The following DNAAF10 variants were observed in gnomAD, a reference collection of about 807,000 sequenced individuals.
The protein encoded by DNAAF10 is WD repeat domain 92.
In DNAAF10, 28 loss-of-function variants were observed where a neutral mutation model predicts 43.7. The ratio of observed to expected loss-of-function variants is 0.64; its 90% CI spans 0.48 to 0.88. The LOEUF (loss-of-function observed/expected upper bound fraction) is 0.88, where lower values mean the gene tolerates loss of function less well. Ranked by LOEUF, DNAAF10 falls within the 40% of genes least tolerant of loss-of-function variation. DNAAF10 has a pLI of 0.00. For synonymous variants in DNAAF10, 156 were observed against 157.3 expected, an observed-to-expected ratio of 0.99 and a Z score of 0.06; for missense variants, 403 against 439.1, an observed-to-expected ratio of 0.92 and a Z score of 0.73.
chr2:68,157,219 C>T lies in DNAAF10; in HGVS notation c.183+42G>A, dbSNP rs375950022. ...AGGAATGCAGACCCCAGGATCCGCACTCGCCCCCAACGGCAGTCCGGATCC... is the reference window on the plus strand; with the variant it reads ...AGGAATGCAGACCCCAGGATCCGCATTCGCCCCCAACGGCAGTCCGGATCC... On this transcript the variant is annotated intron_variant, in intron 1 of 7. Transcript: ENST00000295121. 19 of 1,582,346 alleles carry T rather than the reference C, an allele frequency of 1.2e-5. No homozygotes were observed. In the African/African-American group the frequency reaches 2.4e-4, roughly 20 times the overall value.
rs1673354252 is a variant in DNAAF10 at position 68,147,713 on chromosome 2, G to A, written c.184-146C>T. 5.3e-6 allele frequency: 3 copies of A among 566,110 alleles called. No individual in the cohort carries two copies. The Admixed American group carries it at 1.1e-4, about 21-fold the overall frequency. 35.1% of individuals were successfully genotyped at this position (566,110 alleles called of 1,614,324 possible). A position where few individuals can be genotyped will look rare whatever the true frequency, so the allele number is the denominator to read the frequency against. ...AACATCTTCTGATGAAAATAATCTT[G>A]CTTTTTCCTTTACTCATTTTTCTTT... On this transcript the variant is annotated intron_variant, in intron 1 of 7. Coordinates refer to ENST00000295121, the MANE Select transcript of DNAAF10 (RefSeq NM_138458.4).
intron 1 of DNAAF10, among the ~76,000 whole-genome samples, chr2:68,152,540 C>T (rs1168831140): frequency 6.6e-6 from 1 of 151,930 alleles, no homozygotes; most frequent in Non-Finnish European, 1.5e-5. Flanking sequence ...CCCTCTCTGC[C>T]CCATTAGATA....
At chr2:68,144,128 T>C (rs1673255626) in intron 3 of DNAAF10, among the ~76,000 whole-genome samples, 1 of 152,196 alleles carries the variant, frequency 6.6e-6, no homozygotes. Flanking sequence ...GCTGAGTTGG[T>C]GCCTTTGGAA....
intron 1 of DNAAF10, among the ~76,000 whole-genome samples, chr2:68,153,401 A>C (rs1284109050): frequency 6.6e-6 from 1 of 151,640 alleles, no homozygotes; most frequent in Non-Finnish European, 1.5e-5. Context: ...ACATGACTTA[A>C]GGGTAGATCT....
At chr2:68,138,175 A>AAAAC (rs150999876) in intron 5 of DNAAF10, among the ~76,000 whole-genome samples, 6,268 of 151,932 alleles carry the variant, frequency 0.041, 356 homozygotes, top group African/African-American at 0.13. Flanking sequence ...ACTCCATCTC[A>AAAAC]AAACAAACAA....
chr2:68,136,987 T>C (rs1673058809), intron 6 of DNAAF10, among the ~76,000 whole-genome samples: 1 of 152,220 alleles, frequency 6.6e-6, no homozygotes, highest in South Asian at 2.1e-4. Context: ...AAATATTATA[T>C]ACTTATTAGG....
intron 7 of DNAAF10, among the ~76,000 whole-genome samples, chr2:68,132,725 T>A (rs569665958): frequency 4.9e-4 from 75 of 152,340 alleles, no homozygotes; most frequent in African/African-American, 1.4e-3. Flanking sequence ...CTAAATATCA[T>A]TGTACTTAAA....
chr2:68,134,433 A>C, intron 7 of DNAAF10: 3 of 1,226,750 alleles, frequency 2.4e-6, no homozygotes, highest in Non-Finnish European at 3.1e-6. Context: ...TATCTGATAA[A>C]AGTCTTGGGC....
Position 68,157,282 on chromosome 2 carries a change from C to T in DNAAF10, c.162G>A (p.Gly54=). 14 of 1,613,902 alleles carry T rather than the reference C, an allele frequency of 8.7e-6. No homozygotes were observed. Among genetic ancestry groups the T allele is most frequent in the Non-Finnish European group, 1.2e-5 (14 of 1,179,870 alleles). ...GVIQLYEIQH[G]DLKLLREIEK... ...CCACCTCCCGAAGCAGCTTCAGGTC[C>T]CCGTGCTGGATCTCGTACAGCTGAA... The change falls in exon 1 of 8, where the codon GGG becomes GGA. Residue 54 remains glycine (G), a synonymous_variant. Transcript: ENST00000295121.
In DNAAF10 at chr2:68,157,489, C is replaced by A. The variant is rs763732439; in HGVS notation, c.-46G>T. ...CGGCAACCGCCACACCCAGAGCCCC[C>A]AAAAACGGCAACCTGGAAACCAGAC... On this transcript the variant is annotated 5_prime_UTR_variant, in exon 1 of 8. Coordinates refer to ENST00000295121, the MANE Select transcript of DNAAF10 (RefSeq NM_138458.4). The A allele has an allele frequency of 4.3e-6, 7 of 1,613,710 alleles. No individual in the cohort carries two copies. Among genetic ancestry groups the A allele is most frequent in the Non-Finnish European group, 5.9e-6 (7 of 1,179,714 alleles).
chr2:68,131,185 TG>T lies in DNAAF10; in HGVS notation c.*52del. 1 of 1,592,400 alleles carries T rather than the reference TG, an allele frequency of 6.3e-7. No individual in the cohort carries two copies. The highest frequency in any genetic ancestry group is 8.6e-7 in the Non-Finnish European group (1 of 1,161,156). The stretch of plus-strand genomic sequence containing the variant: ...CACCCGCCTCGGCCTCCCAAAGTGC[TG>T]GGATTACAGGAGTGAGCCACCGTGC... On this transcript the variant is annotated 3_prime_UTR_variant, in exon 8 of 8. Transcript: ENST00000295121.
chr2:68,139,608 A>C (rs1168475192), intron 4 of DNAAF10, among the ~76,000 whole-genome samples: 2 of 150,802 alleles, frequency 1.3e-5, no homozygotes, highest in African/African-American at 4.9e-5. Flanking sequence ...ACACAGTGAA[A>C]CCCTGTCTCT....
intron 2 of DNAAF10, among the ~76,000 whole-genome samples, chr2:68,146,428 T>A (rs1673317764): frequency 6.6e-6 from 1 of 152,196 alleles, no homozygotes; most frequent in South Asian, 2.1e-4. Context: ...AATTATAAGA[T>A]TTATCAATGA....
At chr2:68,148,111 G>A (rs1673368583) in intron 1 of DNAAF10, among the ~76,000 whole-genome samples, 1 of 152,092 alleles carries the variant, frequency 6.6e-6, no homozygotes, top group African/African-American at 2.4e-5. Context: ...TACTTTAAAA[G>A]GCTACTGCAC....
chr2:68,148,198 C>G (rs1673370625), intron 1 of DNAAF10, among the ~76,000 whole-genome samples: 1 of 152,128 alleles, frequency 6.6e-6, no homozygotes, highest in African/African-American at 2.4e-5. Flanking sequence ...TTATGGAAAT[C>G]AGGTGAAGAA....
At chr2:68,134,490 T>C (rs574399963) in intron 7 of DNAAF10, 5 of 1,358,556 alleles carry the variant, frequency 3.7e-6, no homozygotes, top group Non-Finnish European at 4.7e-6. Context: ...TATACTAAAA[T>C]GTATCAAAAG....
At chr2:68,152,082 T>C (rs1673472182) in intron 1 of DNAAF10, among the ~76,000 whole-genome samples, 1 of 152,232 alleles carries the variant, frequency 6.6e-6, no homozygotes, top group African/African-American at 2.4e-5. Flanking sequence ...ATCAAAGAAA[T>C]GTTCCGATCT....
intron 6 of DNAAF10, 136 bp downstream of exon 6, chr2:68,137,163 A>G (rs1413993877): frequency 1.1e-5 from 11 of 983,768 alleles, no homozygotes; most frequent in Non-Finnish European, 1.5e-5. Flanking sequence ...AAAACTTGTC[A>G]AGATCTCACA....
chr2:68,134,819 T>A lies in DNAAF10; in HGVS notation c.769-20A>T. 17 of 1,613,292 alleles carry A rather than the reference T, an allele frequency of 1.1e-5. No homozygotes were observed. The highest frequency in any genetic ancestry group is 1.4e-5 in the Non-Finnish European group (16 of 1,179,772). ...ATGAGCCTAAATAGAACAAGAGGCATACAACTGGTTTATATGCTAAATGGT... is the reference window on the plus strand; with the variant it reads ...ATGAGCCTAAATAGAACAAGAGGCAAACAACTGGTTTATATGCTAAATGGT... On this transcript the variant is annotated intron_variant, in intron 6 of 7. Transcript: ENST00000295121.
Sources: gnomAD v4.1 joint callset for allele counts (sites outside exome capture counted in the v4.1 genomes callset) on GRCh38, gnomAD v4.1.1 for gene constraint, MANE v1.5 for transcripts, NCBI Gene and HGNC (gene_info 2026-07-23, HGNC 2026-07-21) for gene names.